The following ATP13A3 variants were observed in gnomAD, a reference collection of about 807,000 sequenced individuals.
The protein encoded by ATP13A3 is polyamine-transporting ATPase 13A3.
ATP13A3 carries 59 observed loss-of-function variants against 158.1 expected under a neutral mutation model. That is an observed-to-expected ratio of 0.37 (90% CI 0.30 to 0.46). The LOEUF is 0.46. ATP13A3 is among the 20% of genes least tolerant of loss of function. The pLI is 1.00. For synonymous variants in ATP13A3, 491 were observed against 504.3 expected, an observed-to-expected ratio of 0.97 and a Z score of 0.35; for missense variants, 1,166 against 1,525.2, an observed-to-expected ratio of 0.76 and a Z score of 3.92.
intron 31 of ATP13A3, among the ~76,000 whole-genome samples, chr3:194,418,144 G>C (rs996928399): frequency 2.0e-5 from 3 of 152,038 alleles, no homozygotes; most frequent in African/African-American, 7.2e-5. Context: ...ATGGGTATGC[G>C]TAAGAGAAAA....
At chr3:194,408,199 T>C (rs1715093537) in intron 33 of ATP13A3, among the ~76,000 whole-genome samples, 1 of 152,090 alleles carries the variant, frequency 6.6e-6, no homozygotes, top group Admixed American at 6.6e-5. Flanking sequence ...TTTTGTATTT[T>C]AGTAGAGACG....
chr3:194,473,486 G>GAAA (rs10699324), intron 2 of ATP13A3, among the ~76,000 whole-genome samples: 1,655 of 143,502 alleles, frequency 0.012, 30 homozygotes, highest in African/African-American at 0.038. Flanking sequence ...TTAAATTGGT[G>GAAA]AAAAAAAAAA....
Position 194,425,390 on chromosome 3 carries a change from T to C in ATP13A3, c.3265A>G (p.Ile1089Val), listed in dbSNP as rs981888541. ...ISSFQYLIVA[I>V]AFSKGKPFRQ... ...AAGGGTTTTCCTTTTGAAAAGGCAA[T>C]TGCCACTATGAGGTACTGAAAACTG... is the stretch of plus-strand genomic sequence containing the variant. Residue 1089 changes from isoleucine (I) to valine (V), a missense_variant, in exon 30 of 34, where the codon ATT becomes GTT. Around this residue, in one of 3 missense-constraint regions of ATP13A3, gnomAD observed 997 missense variants for 1,341.2 expected, o/e 0.74. Coordinates refer to ENST00000645319, the MANE Select transcript of ATP13A3 (RefSeq NM_001367549.1). The C allele has an allele frequency of 3.1e-6, 5 of 1,612,660 alleles. No homozygotes were observed. Among genetic ancestry groups the C allele is most frequent in the East Asian group, 2.2e-5 (1 of 44,854 alleles).
Position 194,448,778 on chromosome 3 carries a change from G to T in ATP13A3, c.971-142C>A. 1 of 889,398 alleles carries T rather than the reference G, an allele frequency of 1.1e-6. No individual in the cohort carries two copies. The highest frequency in any genetic ancestry group is 1.6e-6 in the Non-Finnish European group (1 of 615,776). 55.1% of individuals were successfully genotyped at this position (889,398 alleles called of 1,614,324 possible). On this transcript the variant is annotated intron_variant, in intron 11 of 33. Coordinates refer to ENST00000645319, the MANE Select transcript of ATP13A3 (RefSeq NM_001367549.1). This position sits in a 1 kb window ranked among gnomAD's most constrained non-coding sequence, Gnocchi z 4.0. ...CTGTTTACAATAATCACTGAGAGTT[G>T]TATATGTGGACAACATGGCTTAATT...
intron 6 of ATP13A3, among the ~76,000 whole-genome samples, chr3:194,458,380 C>G (rs1295759702): frequency 4.6e-5 from 7 of 151,884 alleles, no homozygotes; most frequent in African/African-American, 1.7e-4. Flanking sequence ...AAAATGACAG[C>G]CCATTGGCAA....
chr3:194,456,477 T>C (rs1240541516), intron 7 of ATP13A3, among the ~76,000 whole-genome samples: 2 of 152,130 alleles, frequency 1.3e-5, no homozygotes, highest in African/African-American at 4.8e-5. Flanking sequence ...TCTAGACTTT[T>C]ATGAAATGTA....
chr3:194,438,974 T>G lies in ATP13A3; in HGVS notation c.1711-2A>C. 1 of 1,549,626 alleles carries G rather than the reference T, an allele frequency of 6.5e-7. No homozygotes were observed. The highest frequency in any genetic ancestry group is 8.7e-7 in the Non-Finnish European group (1 of 1,145,330). ...TTCTTCAGTTGCTTCTTCCAGAATC[T>G]GGAAAAAAAAAAGAGACAAAAAAAA... On this transcript the variant is annotated splice_acceptor_variant, in intron 16 of 33. Coordinates refer to ENST00000645319, the MANE Select transcript of ATP13A3 (RefSeq NM_001367549.1). LOFTEE classifies it high-confidence loss of function.
At chr3:194,465,464 A>C (rs1719933539) in intron 2 of ATP13A3, among the ~76,000 whole-genome samples, 1 of 152,186 alleles carries the variant, frequency 6.6e-6, no homozygotes, top group African/African-American at 2.4e-5. Flanking sequence ...AAAATGATTA[A>C]GGGAATTAAA....
At chr3:194,471,936 A>C (rs1315608887) in intron 2 of ATP13A3, 4 of 153,044 alleles carry the variant, frequency 2.6e-5, no homozygotes, top group African/African-American at 9.6e-5. Context: ...TTCAGCCTGG[A>C]GGAGGAGCCC....
rs1013671385 is a variant in ATP13A3, at chr3:194,403,920, G to T, written c.*1999C>A. The stretch of plus-strand genomic sequence containing the variant: ...CTAACTCTAAATGTTAAAAAAGTGG[G>T]GGGGGGGTGTCAAAAATAGCTCTTT... On this transcript the variant is annotated 3_prime_UTR_variant, in exon 34 of 34. Coordinates refer to ENST00000645319, the MANE Select transcript of ATP13A3 (RefSeq NM_001367549.1). The T allele has an allele frequency of 4.2e-5, 13 of 313,090 alleles. No homozygotes were observed. In the Admixed American group the frequency reaches 5.6e-4, roughly 13 times the overall value. The allele number at this position is 313,090 out of a possible 1,614,324, so 19.4% of individuals were successfully genotyped here.
intron 15 of ATP13A3, among the ~76,000 whole-genome samples, chr3:194,442,806 T>C (rs1260327183): frequency 4.6e-5 from 7 of 151,798 alleles, no homozygotes; most frequent in African/African-American, 1.5e-4. Context: ...GGTGAAGAAA[T>C]ATTCTTCAAG....
At chr3:194,417,306 T>C (rs1489225854) in intron 31 of ATP13A3, among the ~76,000 whole-genome samples, 1 of 151,312 alleles carries the variant, frequency 6.6e-6, no homozygotes, top group Non-Finnish European at 1.5e-5. Context: ...TGCCAGCTAC[T>C]CGTGAGGCCG....
chr3:194,421,540 G>A (rs113499065), intron 30 of ATP13A3, among the ~76,000 whole-genome samples: 17 of 128,172 alleles, frequency 1.3e-4, no homozygotes, highest in African/African-American at 4.9e-4. Flanking sequence ...GTGACAGAGC[G>A]AGACTCCATC....
At chr3:194,436,904 A>G (rs566700287) in intron 20 of ATP13A3, among the ~76,000 whole-genome samples, 191 bp downstream of exon 20, 1 of 152,388 alleles carries the variant, frequency 6.6e-6, no homozygotes, top group Non-Finnish European at 1.5e-5. Flanking sequence ...GTCTCTCAAA[A>G]AAAAACCCAG....
chr3:194,488,933 G>T (rs1721112143), upstream of ATP13A3, among the ~76,000 whole-genome samples: 1 of 152,192 alleles, frequency 6.6e-6, no homozygotes, highest in Non-Finnish European at 1.5e-5. This position sits in a 1 kb window ranked among gnomAD's most constrained non-coding sequence, Gnocchi z 4.1. Context: ...TGCCTGCCAG[G>T]CAGCTCTAGC....
upstream of ATP13A3, among the ~76,000 whole-genome samples, chr3:194,491,572 GCCT>G (rs1343289475): frequency 3.1e-5 from 3 of 96,740 alleles, no homozygotes; most frequent in Admixed American, 1.2e-4. Context: ...CACCTGGCAT[GCCT>G]CCTCATCTCT....
intron 24 of ATP13A3, 99 bp from the exon 25 acceptor site, chr3:194,430,414 C>G (rs907287265): frequency 9.3e-6 from 12 of 1,295,136 alleles, no homozygotes; most frequent in Non-Finnish European, 1.3e-5. Context: ...AAAGAGCTAA[C>G]ACACCAAGAT....
In ATP13A3 at chr3:194,405,863, A is replaced by G. The variant is rs974617739; in HGVS notation, c.*56T>C. 3 of 1,579,736 alleles carry G rather than the reference A, an allele frequency of 1.9e-6. No individual in the cohort carries two copies. Among genetic ancestry groups the G allele is most frequent in the Non-Finnish European group, 2.6e-6 (3 of 1,149,958 alleles). On this transcript the variant is annotated 3_prime_UTR_variant, in exon 34 of 34. Transcript: ENST00000645319. ...CTGACACACAGGATCAGAAACTCCT[A>G]AAATCACATATTCCTGAATACTGCT...
intron 8 of ATP13A3, among the ~76,000 whole-genome samples, chr3:194,455,177 T>C (rs1291100893): frequency 1.3e-5 from 2 of 152,216 alleles, no homozygotes; most frequent in African/African-American, 2.4e-5. Context: ...TAATGGGTTA[T>C]GTTACTTTGC....
Sources: gnomAD v4.1 joint callset for allele counts (sites outside exome capture counted in the v4.1 genomes callset) on GRCh38, gnomAD v4.1.1 for gene constraint, gnomAD v4.1.1 regional missense constraint, Gnocchi (gnomAD v3.1) non-coding constraint, MANE v1.5 for transcripts, NCBI Gene and HGNC (gene_info 2026-07-23, HGNC 2026-07-21) for gene names.